WDR27: variants seen among roughly 807,000 people sequenced by gnomAD.
The protein encoded by WDR27 is WD repeat domain 27, also known as WD repeat-containing protein 27.
WDR27 carries 100 observed loss-of-function variants against 114.4 expected under a neutral mutation model. That is an observed-to-expected ratio of 0.87 (90% CI 0.74 to 1.03). The LOEUF is 1.03. WDR27 is among the 50% of genes least tolerant of loss of function. WDR27 has a pLI of 0.00. For synonymous variants in WDR27, 449 were observed against 423.1 expected (o/e 1.06, Z -0.75); for missense variants, 1,129 against 1,092.9 (o/e 1.03, Z -0.47).
intron 21 of WDR27, among the ~76,000 whole-genome samples, chr6:169,632,047 G>A (rs567803772): frequency 6.6e-6 from 1 of 152,082 alleles, no homozygotes; most frequent in South Asian, 2.1e-4. Context: ...AATTAGCCAG[G>A]TGTGGTGGCT....
chr6:169,427,286 T>C, the WDR27 span, among the ~76,000 whole-genome samples: 43 of 152,154 alleles, frequency 2.8e-4, no homozygotes, highest in Middle Eastern at 0.02. Flanking sequence ...CTGAGAACTA[T>C]TGGAAGGCAG....
intron 25 of WDR27, among the ~76,000 whole-genome samples, chr6:169,470,579 G>A (rs540171195): frequency 7.4e-4 from 113 of 152,268 alleles, no homozygotes; most frequent in African/African-American, 2.3e-3. Context: ...GGACTTGCGC[G>A]GTTGCCTTCT....
intron 25 of WDR27, among the ~76,000 whole-genome samples, chr6:169,533,684 A>G (rs73792918): frequency 0.016 from 2,485 of 152,314 alleles, 64 homozygotes; most frequent in African/African-American, 0.057. Context: ...CTGTGTTCAC[A>G]GAACCATGCA....
intron 7 of WDR27, 140 bp downstream of exon 7, chr6:169,665,346 G>A (rs954609885): frequency 1.4e-6 from 2 of 1,424,342 alleles, no homozygotes; most frequent in Admixed American, 3.0e-5. Flanking sequence ...CCCACAGAAG[G>A]TCACGTTCTC....
At chr6:169,603,138 A>G (rs1008538189) in intron 22 of WDR27, among the ~76,000 whole-genome samples, 2 of 145,082 alleles carry the variant, frequency 1.4e-5, no homozygotes, top group Non-Finnish European at 3.0e-5. Flanking sequence ...CACCACACCT[A>G]GCCAAGATAA....
the WDR27 span, among the ~76,000 whole-genome samples, chr6:169,451,962 TCTA>T: frequency 6.6e-6 from 1 of 152,182 alleles, no homozygotes; most frequent in Non-Finnish European, 1.5e-5. Flanking sequence ...CATTCTGTGG[TCTA>T]CTTATTGTTT....
chr6:169,571,226 A>C (rs143403400), intron 25 of WDR27, among the ~76,000 whole-genome samples: 149 of 151,728 alleles, frequency 9.8e-4, no homozygotes, highest in Middle Eastern at 3.4e-3. Flanking sequence ...ACAGATTTAA[A>C]TTTCACACCC....
At chr6:169,522,277 T>A (rs1247330507) in intron 25 of WDR27, among the ~76,000 whole-genome samples, 2 of 151,832 alleles carry the variant, frequency 1.3e-5, no homozygotes, top group Non-Finnish European at 2.9e-5. Context: ...CAAGAAGATA[T>A]AAAATCATAA....
At position 169,630,473 on chromosome 6, in the gene WDR27, T is replaced by C. The variant is rs551582676; in HGVS notation, c.2223+2474A>G. ...TCAGGTATCTTAAAGTCAAATGTCTTTGCGTGGAAGTTTCACTAAATAAAT... is the reference window on the plus strand; with the variant it reads ...TCAGGTATCTTAAAGTCAAATGTCTCTGCGTGGAAGTTTCACTAAATAAAT... On this transcript the variant is annotated intron_variant, in intron 21 of 25. Transcript: ENST00000448612. 2.0e-5 allele frequency among the ~76,000 whole-genome samples: 3 copies of C among 152,368 alleles called. No individual in the cohort carries two copies. The East Asian group carries it at 5.8e-4, about 29-fold the overall frequency.
Position 169,701,931 on chromosome 6 carries a change from A to G in WDR27, c.-388T>C. On this transcript the variant is annotated 5_prime_UTR_variant, in exon 1 of 26. Transcript: ENST00000448612. ...CGCTAGGGGAGGACTCACAGCACCC[A>G]GCTCCCAGGAGGGCACGCAGAGGAC... The G allele has an allele frequency of 2.8e-6, 1 of 358,328 alleles. No homozygotes were observed. Among genetic ancestry groups the G allele is most frequent in the Non-Finnish European group, 5.6e-6 (1 of 179,958 alleles). 22.2% of individuals were successfully genotyped at this position (358,328 alleles called of 1,614,324 possible).
Position 169,516,788 on chromosome 6 carries a change from A to AACACACACACACACAC in WDR27, c.2645+55615_2645+55630dup, listed in dbSNP as rs3032851. On this transcript the variant is annotated intron_variant, in intron 25 of 25. Coordinates refer to ENST00000448612, the MANE Select transcript of WDR27 (RefSeq NM_182552.5). ...TGGCTGAGAGTTAAAGGCATGCTCC[A>AACACACACACACACAC]ACACACACACACACACACACACACA... Among the ~76,000 whole-genome samples, 731 of 119,294 alleles carry AACACACACACACACAC rather than the reference A, an allele frequency of 6.1e-3. 7 individuals carry two copies. Among genetic ancestry groups the AACACACACACACACAC allele is most frequent in the Non-Finnish European group, 8.7e-3 (502 of 57,520 alleles). The allele number at this position is 119,294 out of a possible 152,430, so 78.3% of individuals were successfully genotyped here. A position where few individuals can be genotyped will look rare whatever the true frequency, so the allele number is the denominator to read the frequency against.
chr6:169,568,708 C>A (rs377717940), intron 25 of WDR27, among the ~76,000 whole-genome samples: 1 of 152,326 alleles, frequency 6.6e-6, no homozygotes, highest in South Asian at 2.1e-4. Context: ...CAGATGGAAA[C>A]GGATGGATTG....
chr6:169,678,624 C>G (rs553014413), intron 2 of WDR27, among the ~76,000 whole-genome samples: 36 of 152,134 alleles, frequency 2.4e-4, no homozygotes, highest in African/African-American at 8.7e-4. Context: ...TTTATCTTGC[C>G]CAAATTCCTT....
chr6:169,637,208 T>G (rs1474775737), intron 18 of WDR27, among the ~76,000 whole-genome samples: 1 of 152,206 alleles, frequency 6.6e-6, no homozygotes, highest in African/African-American at 2.4e-5. Context: ...TGCTCCCAAA[T>G]GATCTCCCGT....
chr6:169,459,361 G>GA, intron 25 of WDR27, among the ~76,000 whole-genome samples: 1 of 151,570 alleles, frequency 6.6e-6, no homozygotes, highest in Non-Finnish European at 1.5e-5. Flanking sequence ...AGCAGGTGAA[G>GA]AAAAAATAGA....
At chr6:169,575,610 C>T (rs1802210614) in intron 24 of WDR27, among the ~76,000 whole-genome samples, 1 of 152,192 alleles carries the variant, frequency 6.6e-6, no homozygotes, top group Non-Finnish European at 1.5e-5. Flanking sequence ...CTACTCTCCT[C>T]AATAACGCAG....
chr6:169,622,818 A>G (rs758389657), intron 21 of WDR27, among the ~76,000 whole-genome samples: 1 of 152,222 alleles, frequency 6.6e-6, no homozygotes, highest in Non-Finnish European at 1.5e-5. Flanking sequence ...AACCAGCTCT[A>G]TCTTGCTTCT....
At chr6:169,544,238 G>A (rs9478048) in intron 25 of WDR27, among the ~76,000 whole-genome samples, 67,173 of 151,680 alleles carry the variant, frequency 0.44, 18,705 homozygotes, top group Non-Finnish European at 0.63. Context: ...AAGGTATAGC[G>A]ACTGAGATAG....
intron 25 of WDR27, among the ~76,000 whole-genome samples, chr6:169,552,138 A>G (rs1197733960): frequency 6.6e-6 from 1 of 152,062 alleles, no homozygotes; most frequent in Non-Finnish European, 1.5e-5. Context: ...CCAAGCATCC[A>G]GGCTCCATCC....
Sources: allele counts gnomAD v4.1 joint callset (sites outside exome capture counted in the v4.1 genomes callset), GRCh38; gene constraint gnomAD v4.1.1; transcripts MANE v1.5; gene names NCBI Gene and HGNC (gene_info 2026-07-23, HGNC 2026-07-21).